Variants in DNAH5 observed in about 807,000 individuals in gnomAD.
DNAH5 encodes dynein axonemal heavy chain 5.
DNAH5 carries 372 observed loss-of-function variants against 518.2 expected under a neutral mutation model. The observed-to-expected ratio is 0.72, with a 90% CI of 0.66 to 0.78. The LOEUF is 0.78. Ranked by LOEUF, DNAH5 falls within the 30% of genes least tolerant of loss-of-function variation. DNAH5 has a pLI of 0.00. For synonymous variants in DNAH5, 2,039 were observed against 2,025.9 expected (o/e 1.01, Z -0.17); for missense variants, 5,523 against 5,687.0 (o/e 0.97, Z 0.93).
intron 78 of DNAH5, among the ~76,000 whole-genome samples, chr5:13,699,857 C>A (rs182116961): frequency 1.3e-5 from 2 of 152,200 alleles, no homozygotes; most frequent in South Asian, 4.1e-4. Flanking sequence ...GCTTCTAAGA[C>A]GAACAGGGAA....
At position 13,922,260 on chromosome 5, in the gene DNAH5, C is replaced by T. The variant is rs146663590; in HGVS notation, c.507G>A (p.Ser169=). The change falls in exon 5 of 79, where the codon TCG becomes TCA. Residue 169 remains serine (S), a synonymous_variant. Coordinates refer to ENST00000265104, the MANE Select transcript of DNAH5 (RefSeq NM_001369.3). ...GLLNSVRRLL[S]DIFIPALRAT... is the part of the protein sequence containing the mutation. ...CTCTGAGAGCAGGAATGAAGATGTC[C>T]GACAGCAAACGTCTCACACTGTTGA... The T allele has an allele frequency of 6.4e-5, 103 of 1,614,050 alleles. No homozygotes were observed. In the African/African-American group the frequency reaches 7.7e-4, roughly 12 times the overall value.
chr5:14,000,283 G>T lies in DNAH5; in HGVS notation c.12+11365C>A, dbSNP rs547853915. 2.3e-4 allele frequency among the ~76,000 whole-genome samples: 35 copies of T among 152,330 alleles called. No individual in the cohort carries two copies. The South Asian group carries it at 7.2e-3, about 32-fold the overall frequency. On this transcript the variant is annotated intron_variant, in intron 1 of 78. Coordinates refer to the DNAH5 transcript ENST00000681290. ...CGTGTGACTGGAGTGATGCAGCTAG[G>T]AGCAAAGGAACACCTGGGGCCGCCA... is the stretch of plus-strand genomic sequence containing the variant.
chr5:13,953,135 A>T (rs927124908), intron 1 of DNAH5, among the ~76,000 whole-genome samples: 10 of 152,218 alleles, frequency 6.6e-5, no homozygotes, highest in Non-Finnish European at 1.2e-4. Context: ...TGCTAAGAAG[A>T]CTAAATTATA....
At chr5:13,849,574 T>C (rs1766528194) in intron 31 of DNAH5, among the ~76,000 whole-genome samples, 1 of 152,178 alleles carries the variant, frequency 6.6e-6, no homozygotes, top group Non-Finnish European at 1.5e-5. Context: ...CCTTGGAACC[T>C]AGGAAGGATC....
At chr5:13,931,292 T>C (rs762043311) in intron 1 of DNAH5, 48 bp from the exon 2 acceptor site, 74 of 1,610,762 alleles carry the variant, frequency 4.6e-5, no homozygotes, top group African/African-American at 3.1e-4. Flanking sequence ...TGTTCTCAAG[T>C]GGATTCATTT....
At chr5:13,782,721 G>T (rs758364422) in intron 52 of DNAH5, among the ~76,000 whole-genome samples, 2 of 152,114 alleles carry the variant, frequency 1.3e-5, no homozygotes, top group Non-Finnish European at 2.9e-5. Flanking sequence ...TTGGAACTGG[G>T]CCAAGGTCTT....
rs371414060 is a variant in DNAH5, at chr5:13,931,198, G to T, written c.104C>A (p.Ala35Glu). Residue 35 changes from alanine (A) to glutamate (E), a missense_variant, in exon 2 of 79, where the codon GCG becomes GAG. This residue lies in a region of DNAH5 where 5,121 missense variants were observed against 5,223.3 expected (regional missense o/e 0.98). Transcript: ENST00000265104. ...EKEAKRALLD[A>E]RHNYLFAIVA... ...AATTGCAAATAAGTAGTTATGCCTCGCATCCAAAAGAGCCCGCTTGGCTTC... is the reference window on the plus strand; with the variant it reads ...AATTGCAAATAAGTAGTTATGCCTCTCATCCAAAAGAGCCCGCTTGGCTTC... 6.2e-7 allele frequency: 1 copy of T among 1,614,100 alleles called. No homozygotes were observed. The highest frequency in any genetic ancestry group is 8.5e-7 in the Non-Finnish European group (1 of 1,179,964).
intron 21 of DNAH5, among the ~76,000 whole-genome samples, chr5:13,882,028 A>T (rs568886760): frequency 6.6e-6 from 1 of 152,252 alleles, no homozygotes; most frequent in East Asian, 1.9e-4. Flanking sequence ...TATCATGAGA[A>T]TGCTAAGAAC....
At chr5:14,007,249 C>T (rs946381357) in intron 1 of DNAH5, among the ~76,000 whole-genome samples, 5 of 152,218 alleles carry the variant, frequency 3.3e-5, no homozygotes, top group Non-Finnish European at 7.3e-5. Context: ...CATCTCAGGA[C>T]ATCACTGCAT....
intron 1 of DNAH5, among the ~76,000 whole-genome samples, chr5:13,976,515 C>T (rs78316876): frequency 9.9e-4 from 151 of 152,176 alleles, no homozygotes; most frequent in African/African-American, 3.5e-3. Context: ...GAAGGGTAAG[C>T]ATAACACAAT....
chr5:13,842,149 C>G (rs2151862937), intron 32 of DNAH5, among the ~76,000 whole-genome samples: 2 of 151,744 alleles, frequency 1.3e-5, no homozygotes, highest in Middle Eastern at 6.8e-3. Flanking sequence ...GGAGGCCGCT[C>G]TAGGTGGATC....
chr5:13,834,945 C>G (rs535493125), intron 35 of DNAH5, among the ~76,000 whole-genome samples: 9 of 152,126 alleles, frequency 5.9e-5, no homozygotes, highest in Non-Finnish European at 1.0e-4. Context: ...ACAGACTGTA[C>G]GAGGACAACG....
chr5:13,765,997 C>T lies in DNAH5; in HGVS notation c.10080G>A (p.Gly3360=). 1 of 1,614,164 alleles carries T rather than the reference C, an allele frequency of 6.2e-7. No homozygotes were observed. The change falls in exon 59 of 79, where the codon GGG becomes GGA. Residue 3360 remains glycine, a synonymous_variant. Coordinates refer to ENST00000265104, the MANE Select transcript of DNAH5 (RefSeq NM_001369.3). ...WQESLKLMTA[G]NFLQNLQQFP... ...CAACCTGTAAGTTCTGTAAAAAGTT[C>T]CCTGCAGTCATCAATTTTAAGGATT...
At position 13,708,201 on chromosome 5, in the gene DNAH5, G is replaced by T; in HGVS notation, c.13260C>A (p.Gly4420=). Residue 4420 remains glycine, a synonymous_variant, in exon 76 of 79, where the codon GGC becomes GGA. Transcript: ENST00000265104. Reference sequence around the variant, plus strand: ...GCAGATTTTCGCTCATGATGATGGTGCCATCAATAGCAAGTTTCAGCTCAG... The same window carrying T: ...GCAGATTTTCGCTCATGATGATGGTTCCATCAATAGCAAGTTTCAGCTCAG... ...TLTELKLAID[G]TIIMSENLRD... 1 of 1,614,156 alleles carries T rather than the reference G, an allele frequency of 6.2e-7. No individual in the cohort carries two copies. Among genetic ancestry groups the T allele is most frequent in the Non-Finnish European group, 8.5e-7 (1 of 1,180,014 alleles).
At chr5:13,851,072 A>T (rs978521480) in intron 30 of DNAH5, among the ~76,000 whole-genome samples, 1 of 152,270 alleles carries the variant, frequency 6.6e-6, no homozygotes. Flanking sequence ...AATGAATACA[A>T]AAGTAATAAT....
chr5:13,772,450 A>G (rs1039965887), intron 55 of DNAH5, among the ~76,000 whole-genome samples: 1 of 152,246 alleles, frequency 6.6e-6, no homozygotes, highest in Non-Finnish European at 1.5e-5. Context: ...GGTGCAGGAA[A>G]GGTTACAGAA....
chr5:13,847,175 G>A (rs1766117042), intron 31 of DNAH5, among the ~76,000 whole-genome samples: 1 of 152,160 alleles, frequency 6.6e-6, no homozygotes, highest in African/African-American at 2.4e-5. Context: ...GACCCTTCCT[G>A]TCCATGCTGA....
chr5:13,972,632 G>A (rs958056390), intron 1 of DNAH5, among the ~76,000 whole-genome samples: 2 of 152,214 alleles, frequency 1.3e-5, no homozygotes, highest in African/African-American at 4.8e-5. Context: ...GAGGATGAGT[G>A]CTCGGGAGCA....
At chr5:13,696,781 A>G (rs1214882268) in intron 78 of DNAH5, among the ~76,000 whole-genome samples, 1 of 152,208 alleles carries the variant, frequency 6.6e-6, no homozygotes, top group Non-Finnish European at 1.5e-5. Flanking sequence ...TATTTGGCAA[A>G]CCAAGTTTCC....
Sources: gnomAD v4.1 joint callset for allele counts (sites outside exome capture counted in the v4.1 genomes callset) on GRCh38, gnomAD v4.1.1 for gene constraint, gnomAD v4.1.1 regional missense constraint, MANE v1.5 for transcripts, NCBI Gene and HGNC (gene_info 2026-07-23, HGNC 2026-07-21) for gene names.